Variants in CBFA2T2 observed in about 807,000 individuals in gnomAD.
The protein encoded by CBFA2T2 is CBFA2/RUNX1 partner transcriptional co-repressor 2, also known as protein CBFA2T2.
Under a neutral mutation model 62.2 loss-of-function variants are expected in CBFA2T2, and 11 were observed. That is an observed-to-expected ratio of 0.18 (90% CI 0.11 to 0.29). The LOEUF is 0.29. CBFA2T2 is among the 10% of genes least tolerant of loss of function. The pLI is 1.00. For missense variants in CBFA2T2, 592 were observed against 774.1 expected (o/e 0.76, Z 2.79); for synonymous variants, 295 against 287.5 (o/e 1.03, Z -0.27).
chr20:33,599,556 AG>A (rs1330274536), intron 1 of CBFA2T2, among the ~76,000 whole-genome samples: 2 of 150,792 alleles, frequency 1.3e-5, no homozygotes, highest in African/African-American at 2.4e-5. Flanking sequence ...CTATCTTCAA[AG>A]GTCCTTGTAA....
intron 1 of CBFA2T2, among the ~76,000 whole-genome samples, chr20:33,592,372 T>A (rs1403599069): frequency 5.6e-5 from 6 of 107,626 alleles, no homozygotes; most frequent in African/African-American, 3.0e-5. Flanking sequence ...TCAAAAAAAA[T>A]TTTATATATA....
rs2017057338 is a variant in CBFA2T2, at chr20:33,646,666, G to C, written c.*2020G>C. ...AGGTCAGGAATTCAAGACCAACCTG[G>C]CCAACATGGTGAAACCCTGTCTCTA... On this transcript the variant is annotated 3_prime_UTR_variant, in exon 11 of 11. Coordinates refer to ENST00000342704, the MANE Select transcript of CBFA2T2 (RefSeq NM_001032999.3). 3.3e-5 allele frequency: 5 copies of C among 151,690 alleles called. No homozygotes were observed. Among genetic ancestry groups the C allele is most frequent in the Admixed American group, 3.3e-4 (5 of 15,242 alleles). The allele number at this position is 151,690 out of a possible 1,614,324, so 9.4% of individuals were successfully genotyped here.
intron 1 of CBFA2T2, among the ~76,000 whole-genome samples, chr20:33,602,516 T>C (rs564916602): frequency 6.6e-6 from 1 of 151,996 alleles, no homozygotes; most frequent in South Asian, 2.1e-4. Context: ...TCATGGAAGA[T>C]TCTTCTCAAG....
chr20:33,593,822 G>A (rs1404639438), intron 1 of CBFA2T2, among the ~76,000 whole-genome samples: 3 of 152,108 alleles, frequency 2.0e-5, no homozygotes, highest in Admixed American at 2.0e-4. Context: ...TTCTTGCTAC[G>A]ATTATGAAAA....
At chr20:33,593,310 C>T (rs567851824) in intron 1 of CBFA2T2, among the ~76,000 whole-genome samples, 1 of 151,350 alleles carries the variant, frequency 6.6e-6, no homozygotes, top group South Asian at 2.1e-4. Flanking sequence ...CCAACCTGGG[C>T]GACAGTGAGA....
intron 9 of CBFA2T2, chr20:33,639,111 C>T (rs1484675137): frequency 3.9e-5 from 6 of 152,526 alleles, no homozygotes; most frequent in South Asian, 4.1e-4. Flanking sequence ...CACTTCCAGG[C>T]CCTTCGGTGC....
intron 1 of CBFA2T2, chr20:33,562,697 T>C: frequency 1.0e-6 from 1 of 984,540 alleles, no homozygotes; most frequent in Non-Finnish European, 1.2e-6. Context: ...TAATATAGTT[T>C]TGGGGGTTAA....
At position 33,649,728 on chromosome 20, in the gene CBFA2T2, G is replaced by A. The variant is rs1467988309; in HGVS notation, c.*5082G>A. On this transcript the variant is annotated 3_prime_UTR_variant, in exon 11 of 11. Coordinates refer to ENST00000342704, the MANE Select transcript of CBFA2T2 (RefSeq NM_001032999.3). ...CCAAGAGGCCTTCAGTCCCCTTAAC[G>A]TGGCTTTCCAACTTCCTGACGAGGC... The A allele has an allele frequency of 6.6e-6, 1 of 152,468 alleles. No homozygotes were observed. Among genetic ancestry groups the A allele is most frequent in the East Asian group, 1.9e-4 (1 of 5,192 alleles). 9.4% of individuals were successfully genotyped at this position (152,468 alleles called of 1,614,324 possible).
chr20:33,644,240 A>G (rs2122406331), intron 10 of CBFA2T2, 107 bp from the exon 11 acceptor site: 1 of 1,298,300 alleles, frequency 7.7e-7, no homozygotes, highest in Non-Finnish European at 1.1e-6. Context: ...ATGTAGTTCC[A>G]AAGCTGGGGT....
chr20:33,550,586 C>CA (rs2012711866), intron 1 of CBFA2T2, among the ~76,000 whole-genome samples: 1 of 151,072 alleles, frequency 6.6e-6, no homozygotes, highest in African/African-American at 2.5e-5. Context: ...ACAAATAACT[C>CA]AAAGTCTGAA....
chr20:33,526,177 G>A (rs117923213), intron 1 of CBFA2T2, among the ~76,000 whole-genome samples: 2,783 of 152,286 alleles, frequency 0.018, 41 homozygotes, highest in Non-Finnish European at 0.027. Context: ...GTGAGCCACC[G>A]CGCCTGGCCT....
intron 8 of CBFA2T2, among the ~76,000 whole-genome samples, chr20:33,632,630 G>A (rs1376934255): frequency 2.6e-5 from 4 of 151,270 alleles, no homozygotes; most frequent in East Asian, 1.9e-4. Flanking sequence ...CACCACACCC[G>A]GCTGAGTTTT....
At chr20:33,593,637 C>T (rs544027107) in intron 1 of CBFA2T2, among the ~76,000 whole-genome samples, 53 of 152,240 alleles carry the variant, frequency 3.5e-4, no homozygotes, top group African/African-American at 1.3e-3. Context: ...AGGTGATCTG[C>T]CTGCCTCCGC....
chr20:33,519,619 G>A (rs2011676014), intron 1 of CBFA2T2, among the ~76,000 whole-genome samples: 1 of 152,094 alleles, frequency 6.6e-6, no homozygotes, highest in South Asian at 2.1e-4. Flanking sequence ...GGATACTCAG[G>A]GACAACTCTG....
chr20:33,636,551 T>G (rs1486355916), intron 8 of CBFA2T2, 89 bp from the exon 9 acceptor site: 1 of 920,452 alleles, frequency 1.1e-6, no homozygotes, highest in Non-Finnish European at 1.7e-6. Context: ...TATGTTTGAG[T>G]CTAAGTGGTG....
intron 1 of CBFA2T2, among the ~76,000 whole-genome samples, chr20:33,538,848 G>GTT (rs949957123): frequency 1.5e-5 from 2 of 134,020 alleles, no homozygotes; most frequent in East Asian, 2.2e-4. Context: ...ATTGTTGTTT[G>GTT]TTTTTTTTTT....
chr20:33,490,178 G>C lies in CBFA2T2; in HGVS notation c.-90G>C. ...CAGATCTCGCGGCGACGCCTGCGAG[G>C]GACCCGGGCCGCGGGTCGAGGCGGG... On this transcript the variant is annotated 5_prime_UTR_variant, in exon 1 of 11. Coordinates refer to ENST00000342704, the MANE Select transcript of CBFA2T2 (RefSeq NM_001032999.3). 1 of 1,181,370 alleles carries C rather than the reference G, an allele frequency of 8.5e-7. No homozygotes were observed. The highest frequency in any genetic ancestry group is 1.1e-6 in the Non-Finnish European group (1 of 950,932). 73.2% of individuals were successfully genotyped at this position (1,181,370 alleles called of 1,614,324 possible). A position where few individuals can be genotyped will look rare whatever the true frequency, so the allele number is the denominator to read the frequency against.
At chr20:33,638,615 T>C (rs2016713888) in intron 9 of CBFA2T2, 1 of 152,212 alleles carries the variant, frequency 6.6e-6, no homozygotes, top group South Asian at 2.1e-4. Flanking sequence ...AGTTGTTTCA[T>C]GGTAGCCTAG....
At chr20:33,516,185 G>A (rs185636543) in intron 1 of CBFA2T2, among the ~76,000 whole-genome samples, 8 of 151,864 alleles carry the variant, frequency 5.3e-5, no homozygotes, top group East Asian at 3.9e-4. Context: ...AAACTACAGC[G>A]TCAGACGGGC....
Sources: gnomAD v4.1 joint callset for allele counts (sites outside exome capture counted in the v4.1 genomes callset) on GRCh38, gnomAD v4.1.1 for gene constraint, MANE v1.5 for transcripts, NCBI Gene and HGNC (gene_info 2026-07-23, HGNC 2026-07-21) for gene names.